SOX6: variants seen among roughly 807,000 people sequenced by gnomAD.
SOX6 encodes transcription factor SOX-6.
SOX6 carries 11 observed loss-of-function variants against 97.8 expected under a neutral mutation model. The observed-to-expected ratio is 0.11, with a 90% CI of 0.07 to 0.19. The LOEUF (loss-of-function observed/expected upper bound fraction) is 0.19, where lower values mean the gene tolerates loss of function less well. SOX6 is among the 10% of genes least tolerant of loss of function. The probability of loss-of-function intolerance (pLI) is 1.00; values close to 1 mark genes in which losing one functional copy is unlikely to be tolerated. For missense variants in SOX6, 810 were observed against 1,039.5 expected (o/e 0.78, Z 3.04); for synonymous variants, 360 against 371.4 (o/e 0.97, Z 0.35).
chr11:16,263,753 A>ATT (rs35430267), intron 3 of SOX6, among the ~76,000 whole-genome samples: 62 of 151,574 alleles, frequency 4.1e-4, no homozygotes, highest in African/African-American at 1.5e-3. Context: ...GTCAAAATGT[A>ATT]TTTTTTTAAC....
chr11:16,565,828 G>A (rs1847867658), intron 4 of SOX6, among the ~76,000 whole-genome samples: 1 of 151,804 alleles, frequency 6.6e-6, no homozygotes, highest in Non-Finnish European at 1.5e-5. Flanking sequence ...CGGGCGCAGT[G>A]GCTCACACCT....
rs957686646 is a variant in SOX6, at chr11:16,113,406, G to GT, written c.778-1484dup. Among the ~76,000 whole-genome samples, 73 of 152,200 alleles carry GT rather than the reference G, an allele frequency of 4.8e-4. 1 individual carries two copies. Among genetic ancestry groups the GT allele is most frequent in the African/African-American group, 1.5e-3 (63 of 41,460 alleles). ...TCCATTTTAGCTGAGGTAAGCCCAA[G>GT]TTTCGTACATTAGAGTACAAACTAA... On this transcript the variant is annotated intron_variant, in intron 6 of 15. Coordinates refer to ENST00000683767, the MANE Select transcript of SOX6 (RefSeq NM_001367873.1).
intron 4 of SOX6, among the ~76,000 whole-genome samples, chr11:16,584,232 C>A (rs1253168899): frequency 6.6e-6 from 1 of 152,154 alleles, no homozygotes; most frequent in Non-Finnish European, 1.5e-5. Flanking sequence ...TGGACGATCA[C>A]TTAAATGGAA....
intron 3 of SOX6, among the ~76,000 whole-genome samples, chr11:16,647,939 G>A (rs1027197093): frequency 1.3e-5 from 2 of 152,200 alleles, no homozygotes; most frequent in Admixed American, 6.5e-5. Flanking sequence ...GGAATTGTGG[G>A]GGAGGGGCTC....
chr11:16,547,557 T>C (rs770282633), intron 4 of SOX6, among the ~76,000 whole-genome samples: 4 of 152,220 alleles, frequency 2.6e-5, no homozygotes, highest in South Asian at 2.1e-4. Flanking sequence ...AGACAAATAC[T>C]GCATGTTCTC....
At chr11:16,514,061 T>C (rs1209577063) in intron 4 of SOX6, among the ~76,000 whole-genome samples, 2 of 151,632 alleles carry the variant, frequency 1.3e-5, no homozygotes, top group Non-Finnish European at 2.9e-5. Flanking sequence ...AAAAAATTAT[T>C]TTAAATTAGC....
chr11:16,091,698 G>A (rs1259721996), intron 9 of SOX6, among the ~76,000 whole-genome samples: 3 of 152,046 alleles, frequency 2.0e-5, no homozygotes, highest in South Asian at 2.1e-4. Context: ...TAAGAATAAC[G>A]TATGGTTGAC....
chr11:16,181,591 A>T (rs1382312858), intron 6 of SOX6, among the ~76,000 whole-genome samples: 1 of 151,306 alleles, frequency 6.6e-6, no homozygotes, highest in Non-Finnish European at 1.5e-5. Context: ...CTGAATGTCA[A>T]ATACCTGTTT....
chr11:16,297,113 TGAGA>T (rs936270383), intron 3 of SOX6, among the ~76,000 whole-genome samples: 6 of 152,258 alleles, frequency 3.9e-5, no homozygotes, highest in Admixed American at 1.3e-4. Flanking sequence ...TTAAAGCAGA[TGAGA>T]GAGAATGCAA....
At chr11:16,025,731 T>A (rs567191487) in intron 12 of SOX6, among the ~76,000 whole-genome samples, 2 of 152,114 alleles carry the variant, frequency 1.3e-5, no homozygotes, top group African/African-American at 4.8e-5. Context: ...ATTTGAAGAT[T>A]TTTTTCCCTC....
chr11:16,307,175 T>C (rs115063170), intron 3 of SOX6, among the ~76,000 whole-genome samples: 317 of 152,280 alleles, frequency 2.1e-3, no homozygotes, highest in African/African-American at 7.5e-3. Flanking sequence ...GCAATGAATG[T>C]TATTCTAGGC....
chr11:16,636,060 C>CA (rs1848782915), intron 3 of SOX6, among the ~76,000 whole-genome samples: 1 of 152,212 alleles, frequency 6.6e-6, no homozygotes, highest in Admixed American at 6.5e-5. Context: ...CCCAATGGGG[C>CA]ACTGCCTAGT....
intron 9 of SOX6, among the ~76,000 whole-genome samples, chr11:16,084,379 T>C (rs1030422691): frequency 2.0e-5 from 3 of 152,060 alleles, no homozygotes; most frequent in Non-Finnish European, 4.4e-5. Flanking sequence ...CTAAGGTACA[T>C]AGTACATGTT....
intron 1 of SOX6, among the ~76,000 whole-genome samples, chr11:16,430,655 G>A (rs1416945777): frequency 6.6e-6 from 1 of 152,134 alleles, no homozygotes; most frequent in East Asian, 1.9e-4. Context: ...AGATCAGCCA[G>A]TGCCTTAATT....
chr11:16,152,980 C>A (rs754261179), intron 6 of SOX6, among the ~76,000 whole-genome samples: 15 of 152,252 alleles, frequency 9.9e-5, no homozygotes, highest in Admixed American at 2.0e-4. Flanking sequence ...GATTCTCCTG[C>A]CTCAGCCTCC....
At chr11:16,449,531 A>T (rs927832591) in intron 1 of SOX6, among the ~76,000 whole-genome samples, 2 of 152,058 alleles carry the variant, frequency 1.3e-5, no homozygotes, top group Non-Finnish European at 2.9e-5. Context: ...TGACCCCGTG[A>T]TCTGCCCGCC....
At position 16,129,025 on chromosome 11, in the gene SOX6, A is replaced by ATT. The variant is rs34756324; in HGVS notation, c.778-17104_778-17103dup. On this transcript the variant is annotated intron_variant, in intron 6 of 15. Transcript: ENST00000683767. ...ATAGGCATGCAACGCCATGCCTGGCATTTTTTTTTTTTTTTTTTTTTTAGT... is the reference window on the plus strand; with the variant it reads ...ATAGGCATGCAACGCCATGCCTGGCATTTTTTTTTTTTTTTTTTTTTTTTAGT... Among the ~76,000 whole-genome samples the ATT allele has an allele frequency of 1.7e-3, 203 of 119,236 alleles. 2 individuals are homozygous for ATT. Among genetic ancestry groups the ATT allele is most frequent in the African/African-American group, 4.0e-3 (129 of 32,262 alleles). 78.2% of individuals were successfully genotyped at this position (119,236 alleles called of 152,430 possible). A position where few individuals can be genotyped will look rare whatever the true frequency, so the allele number is the denominator to read the frequency against.
intron 2 of SOX6, among the ~76,000 whole-genome samples, chr11:16,725,154 C>A (rs12365658): frequency 0.31 from 47,219 of 152,054 alleles, 8,821 homozygotes; most frequent in Non-Finnish European, 0.42. Context: ...TACAGTATAT[C>A]CATACAATGG....
At chr11:16,562,400 G>T (rs1847825911) in intron 4 of SOX6, among the ~76,000 whole-genome samples, 3 of 152,006 alleles carry the variant, frequency 2.0e-5, no homozygotes, top group Admixed American at 6.6e-5. Flanking sequence ...AATAGATACA[G>T]AAAAAAAGTC....
Sources: allele counts gnomAD v4.1 joint callset (sites outside exome capture counted in the v4.1 genomes callset), GRCh38; gene constraint gnomAD v4.1.1; transcripts MANE v1.5; gene names NCBI Gene and HGNC (gene_info 2026-07-23, HGNC 2026-07-21).